TMTC4: variants seen among roughly 807,000 people sequenced by gnomAD.
TMTC4 encodes transmembrane O-mannosyltransferase targeting cadherins 4, also known as protein O-mannosyl-transferase TMTC4.
In TMTC4, 65 loss-of-function variants were observed where a neutral mutation model predicts 86.0. That is an observed-to-expected ratio of 0.76 (90% confidence interval 0.62 to 0.93). The LOEUF (loss-of-function observed/expected upper bound fraction) is 0.93. TMTC4 is among the 40% of genes least tolerant of loss of function. The pLI, the probability that TMTC4 is intolerant of heterozygous loss-of-function variation, is 0.00. For missense variants in TMTC4, 866 were observed against 948.1 expected (o/e 0.91, Z 1.14); for synonymous variants, 379 against 382.5 (o/e 0.99, Z 0.11).
At chr13:100,609,086 C>T (rs1393284369) in intron 17 of TMTC4, among the ~76,000 whole-genome samples, 1 of 152,112 alleles carries the variant, frequency 6.6e-6, no homozygotes, top group Admixed American at 6.5e-5. Flanking sequence ...GAAACCGTGA[C>T]TCACACAGGA....
chr13:100,637,564 A>T lies in TMTC4; in HGVS notation c.973T>A (p.Ser325Thr). ...PAFTEVDNPA[S>T]FADSMLVRAV... ...CTCACCAGCATGCTGTCAGCAAAGG[A>T]GGCCGGGTTGTCCACCTCGGTGAAG... The change falls in exon 9 of 19, where the codon TCC becomes ACC. Residue 325 changes from serine (S) to threonine (T), a missense_variant. Coordinates refer to ENST00000342624, the MANE Select transcript of TMTC4 (RefSeq NM_032813.5). 1 of 1,614,010 alleles carries T rather than the reference A, an allele frequency of 6.2e-7. No individual in the cohort carries two copies. Among genetic ancestry groups the T allele is most frequent in the Non-Finnish European group, 8.5e-7 (1 of 1,179,960 alleles).
chr13:100,619,766 CTTAA>C (rs1209944997), intron 15 of TMTC4, among the ~76,000 whole-genome samples: 1 of 152,156 alleles, frequency 6.6e-6, no homozygotes, highest in African/African-American at 2.4e-5. Flanking sequence ...TAATGCGATG[CTTAA>C]TTATTCTAAC....
At chr13:100,662,620 A>G (rs1885917575) in intron 5 of TMTC4, among the ~76,000 whole-genome samples, 1 of 152,164 alleles carries the variant, frequency 6.6e-6, no homozygotes, top group Non-Finnish European at 1.5e-5. Context: ...AAGTCCAACA[A>G]TATTTAACAT....
intron 5 of TMTC4, among the ~76,000 whole-genome samples, chr13:100,659,721 A>G (rs1233472713): frequency 6.6e-6 from 1 of 151,256 alleles, no homozygotes; most frequent in Non-Finnish European, 1.5e-5. Context: ...GCGGTGGTTC[A>G]TTAGAAAAAC....
At chr13:100,652,458 AAC>A (rs1884583192) in intron 6 of TMTC4, among the ~76,000 whole-genome samples, 1 of 152,178 alleles carries the variant, frequency 6.6e-6, no homozygotes, top group African/African-American at 2.4e-5. Context: ...CAGCCTGGGC[AAC>A]AGAGCAAGAC....
chr13:100,634,910 T>A lies in TMTC4; in HGVS notation c.1401A>T (p.Gly467=). 4 of 1,614,044 alleles carry A rather than the reference T, an allele frequency of 2.5e-6. No individual in the cohort carries two copies. Among genetic ancestry groups the A allele is most frequent in the Non-Finnish European group, 3.4e-6 (4 of 1,180,006 alleles). Residue 467 remains glycine, a synonymous_variant, in exon 12 of 19, where the codon GGA becomes GGT. Coordinates refer to ENST00000342624, the MANE Select transcript of TMTC4 (RefSeq NM_032813.5). ...ATCTCAGCGTGTTGATGAATAAGATTCCCAGCACGACAGCGGCAATGAGTT... is the reference window on the plus strand; with the variant it reads ...ATCTCAGCGTGTTGATGAATAAGATACCCAGCACGACAGCGGCAATGAGTT... ...KKKLIAAVVL[G]ILFINTLRCV... is the part of the protein sequence containing the mutation.
chr13:100,626,383 C>G (rs1383462444), intron 12 of TMTC4, among the ~76,000 whole-genome samples: 1 of 152,194 alleles, frequency 6.6e-6, no homozygotes, highest in Non-Finnish European at 1.5e-5. Flanking sequence ...TAAAGCACAA[C>G]AGAAGGGAAA....
chr13:100,631,279 A>G (rs1179020049), intron 12 of TMTC4, among the ~76,000 whole-genome samples: 4 of 152,230 alleles, frequency 2.6e-5, no homozygotes, highest in Admixed American at 2.6e-4. Context: ...GGGCTAAACT[A>G]ATTTGTTATA....
intron 15 of TMTC4, among the ~76,000 whole-genome samples, chr13:100,617,834 A>G (rs1878754775): frequency 6.6e-6 from 1 of 152,208 alleles, no homozygotes; most frequent in Non-Finnish European, 1.5e-5. Flanking sequence ...TTTTGGTTCA[A>G]TATGAATTTA....
intron 15 of TMTC4, among the ~76,000 whole-genome samples, chr13:100,615,147 T>A (rs978984110): frequency 1.6e-4 from 24 of 152,108 alleles, no homozygotes; most frequent in Non-Finnish European, 2.6e-4. Context: ...TATTATTATT[T>A]TTATTTTTGA....
intron 17 of TMTC4, among the ~76,000 whole-genome samples, chr13:100,607,734 G>T (rs535215300): frequency 3.9e-5 from 6 of 152,110 alleles, no homozygotes; most frequent in Non-Finnish European, 8.8e-5. Context: ...GAATGTGGGG[G>T]ACCATCTCCA....
intron 3 of TMTC4, among the ~76,000 whole-genome samples, chr13:100,668,055 G>A (rs1365108332): frequency 1.3e-5 from 2 of 152,096 alleles, no homozygotes; most frequent in African/African-American, 2.4e-5. Context: ...GAACTGCAGC[G>A]CCCATGGGCA....
intron 12 of TMTC4, among the ~76,000 whole-genome samples, chr13:100,631,286 TATAA>T (rs1348836119): frequency 6.6e-6 from 1 of 152,230 alleles, no homozygotes; most frequent in South Asian, 2.1e-4. Context: ...ACTAATTTGT[TATAA>T]ATATTCTGGC....
intron 16 of TMTC4, 53 bp downstream of exon 16, chr13:100,614,263 G>T: frequency 1.5e-6 from 2 of 1,322,682 alleles, no homozygotes; most frequent in Non-Finnish European, 2.1e-6. Context: ...GTCTTCGGTG[G>T]CATTTTACTG....
intron 15 of TMTC4, among the ~76,000 whole-genome samples, chr13:100,618,985 G>A (rs985251823): frequency 5.9e-5 from 9 of 152,072 alleles, no homozygotes; most frequent in African/African-American, 1.9e-4. Flanking sequence ...ATCCCAGCCC[G>A]TTCTCAATGA....
In TMTC4 at chr13:100,605,143, C is replaced by T. The variant is rs2153020026; in HGVS notation, c.2135-1G>A. The T allele has an allele frequency of 1.2e-6, 2 of 1,608,482 alleles. No individual in the cohort carries two copies. Among genetic ancestry groups the T allele is most frequent in the East Asian group, 2.2e-5 (1 of 44,626 alleles). Reference sequence around the variant, plus strand: ...TGTCCCCAACGATGATAAAGCACAGCTGAAATAGCAGGAGATAAATTTCAC... The same window carrying T: ...TGTCCCCAACGATGATAAAGCACAGTTGAAATAGCAGGAGATAAATTTCAC... On this transcript the variant is annotated splice_acceptor_variant, in intron 18 of 18. Coordinates refer to ENST00000342624, the MANE Select transcript of TMTC4 (RefSeq NM_032813.5). LOFTEE classifies it high-confidence loss of function. This position sits in a 1 kb window ranked among gnomAD's most constrained non-coding sequence, Gnocchi z 4.3.
intron 17 of TMTC4, among the ~76,000 whole-genome samples, chr13:100,610,977 G>A (rs1004689072): frequency 1.3e-5 from 2 of 152,130 alleles, no homozygotes; most frequent in African/African-American, 4.8e-5. Context: ...TATTTCTGGA[G>A]TAAAATCTAG....
chr13:100,654,522 A>G (rs1765728), intron 6 of TMTC4, among the ~76,000 whole-genome samples: 108,442 of 151,980 alleles, frequency 0.71, 39,753 homozygotes, highest in East Asian at 0.99. Context: ...CTTTATTTAA[A>G]AAGTATCTTT....
At chr13:100,624,219 C>G (rs1005459974) in intron 15 of TMTC4, among the ~76,000 whole-genome samples, 1 of 151,660 alleles carries the variant, frequency 6.6e-6, no homozygotes, top group Non-Finnish European at 1.5e-5. Flanking sequence ...CCAGCTACTC[C>G]GGAGGCTGAG....
Sources: gnomAD v4.1 joint callset for allele counts (sites outside exome capture counted in the v4.1 genomes callset) on GRCh38, gnomAD v4.1.1 for gene constraint, Gnocchi (gnomAD v3.1) non-coding constraint, MANE v1.5 for transcripts, NCBI Gene and HGNC (gene_info 2026-07-23, HGNC 2026-07-21) for gene names.